The following RSRC1 variants were observed in gnomAD, a reference collection of about 807,000 sequenced individuals.
The protein encoded by RSRC1 is arginine and serine rich coiled-coil 1.
In RSRC1, 39 loss-of-function variants were observed where a neutral mutation model predicts 49.1. The ratio of observed to expected loss-of-function variants is 0.79; its 90% CI spans 0.61 to 1.04. RSRC1 has a LOEUF of 1.04. Ranked by LOEUF, RSRC1 falls within the 50% of genes least tolerant of loss-of-function variation. The pLI, the probability that RSRC1 is intolerant of heterozygous loss-of-function variation, is 0.00. For missense variants in RSRC1, 388 were observed against 402.4 expected, an observed-to-expected ratio of 0.96 and a Z score of 0.31; for synonymous variants, 143 against 130.8, an observed-to-expected ratio of 1.09 and a Z score of -0.63.
chr3:158,212,032 T>G (rs1721705082), intron 4 of RSRC1, among the ~76,000 whole-genome samples: 1 of 151,908 alleles, frequency 6.6e-6, no homozygotes, highest in South Asian at 2.1e-4. Context: ...TATTCCTAAC[T>G]CCTCAAGAGT....
intron 4 of RSRC1, among the ~76,000 whole-genome samples, chr3:158,219,188 A>C (rs1213030662): frequency 6.6e-6 from 1 of 151,604 alleles, no homozygotes; most frequent in Non-Finnish European, 1.5e-5. Flanking sequence ...AACCATTTTT[A>C]TTCCTCTTTT....
intron 5 of RSRC1, among the ~76,000 whole-genome samples, chr3:158,337,619 A>G (rs1039034217): frequency 1.3e-5 from 2 of 152,114 alleles, no homozygotes; most frequent in Non-Finnish European, 2.9e-5. Context: ...TTCCCTTTCT[A>G]TATTCCTAAC....
chr3:158,243,064 A>G (rs777358541), intron 4 of RSRC1, among the ~76,000 whole-genome samples: 5 of 151,968 alleles, frequency 3.3e-5, no homozygotes, highest in African/African-American at 4.8e-5. Flanking sequence ...CAGATTCCCT[A>G]TGTCAATTTT....
intron 6 of RSRC1, among the ~76,000 whole-genome samples, chr3:158,418,315 C>A (rs1029632486): frequency 6.6e-5 from 10 of 151,954 alleles, no homozygotes; most frequent in African/African-American, 2.4e-4. Context: ...AAAGAGATAG[C>A]ACTCTCATGG....
intron 6 of RSRC1, among the ~76,000 whole-genome samples, chr3:158,378,172 T>C (rs1427901578): frequency 1.3e-5 from 2 of 152,320 alleles, no homozygotes; most frequent in African/African-American, 4.8e-5. Flanking sequence ...GTTTTTTATA[T>C]TTTATTTTTC....
intron 7 of RSRC1, among the ~76,000 whole-genome samples, chr3:158,477,864 GAAGT>G (rs1560059624): frequency 7.1e-6 from 1 of 140,898 alleles, no homozygotes; most frequent in Non-Finnish European, 1.5e-5. Context: ...GAGCAAAGTC[GAAGT>G]AAGAATATGA....
At chr3:158,483,602 T>C (rs1213153982) in intron 7 of RSRC1, among the ~76,000 whole-genome samples, 1 of 152,086 alleles carries the variant, frequency 6.6e-6, no homozygotes. Flanking sequence ...TTTCACAATT[T>C]AAAGGGGTTA....
At chr3:158,475,443 A>G (rs1489004198) in intron 7 of RSRC1, among the ~76,000 whole-genome samples, 2 of 152,282 alleles carry the variant, frequency 1.3e-5, no homozygotes, top group East Asian at 3.9e-4. Context: ...ATGTTTTTTT[A>G]CAGATTGAAG....
intron 4 of RSRC1, among the ~76,000 whole-genome samples, chr3:158,235,330 T>A (rs949334359): frequency 2.0e-5 from 3 of 152,062 alleles, no homozygotes; most frequent in African/African-American, 7.2e-5. Context: ...TATTTAGAGA[T>A]CAGAATATGA....
chr3:158,336,116 A>C (rs1357798422), intron 5 of RSRC1, among the ~76,000 whole-genome samples: 1 of 152,114 alleles, frequency 6.6e-6, no homozygotes, highest in African/African-American at 2.4e-5. Context: ...CATTTTGCCT[A>C]CTCACTTGTC....
chr3:158,447,034 T>C lies in RSRC1; in HGVS notation c.584-13901T>C, dbSNP rs76477786. On this transcript the variant is annotated intron_variant, in intron 6 of 9. Coordinates refer to ENST00000611884, the MANE Select transcript of RSRC1 (RefSeq NM_001271838.2). ...CTTTAACTAGTAGGGGTATCCCAAC[T>C]AGTAGGGCCATGATACAACTCTTCA... Among the ~76,000 whole-genome samples, 1,201 of 152,164 alleles carry C rather than the reference T, an allele frequency of 7.9e-3. 70 individuals are homozygous for C. The East Asian group carries it at 0.12, about 15-fold the overall frequency.
chr3:158,429,949 C>G (rs1218976873), intron 6 of RSRC1, among the ~76,000 whole-genome samples: 1 of 151,572 alleles, frequency 6.6e-6, no homozygotes, highest in Non-Finnish European at 1.5e-5. Flanking sequence ...TGAATAAACT[C>G]TAGAGATCTG....
chr3:158,119,194 C>G (rs1715078873), intron 1 of RSRC1, among the ~76,000 whole-genome samples: 1 of 152,046 alleles, frequency 6.6e-6, no homozygotes, highest in Admixed American at 6.6e-5. Flanking sequence ...GCCTCATGGC[C>G]TCATTGTGCC....
At chr3:158,532,924 T>C (rs1162512287) in intron 7 of RSRC1, among the ~76,000 whole-genome samples, 1 of 151,774 alleles carries the variant, frequency 6.6e-6, no homozygotes, top group South Asian at 2.1e-4. Flanking sequence ...GCAGCACATA[T>C]AAACCATAAC....
intron 4 of RSRC1, among the ~76,000 whole-genome samples, chr3:158,221,001 G>C (rs766160908): frequency 2.0e-5 from 3 of 151,486 alleles, no homozygotes; most frequent in Non-Finnish European, 4.4e-5. Context: ...ATATTTCACA[G>C]GTAGGCAACC....
chr3:158,299,832 T>C (rs1289575960), intron 5 of RSRC1, among the ~76,000 whole-genome samples: 1 of 152,176 alleles, frequency 6.6e-6, no homozygotes, highest in Non-Finnish European at 1.5e-5. Context: ...TATCCAGCAG[T>C]GGTTTTCTAG....
chr3:158,446,098 T>C (rs1196928844), intron 6 of RSRC1, among the ~76,000 whole-genome samples: 1 of 152,084 alleles, frequency 6.6e-6, no homozygotes, highest in Non-Finnish European at 1.5e-5. Context: ...GATGATAAAA[T>C]ATTGATAATG....
intron 4 of RSRC1, among the ~76,000 whole-genome samples, chr3:158,287,984 T>C (rs1270649044): frequency 6.6e-6 from 1 of 152,230 alleles, no homozygotes; most frequent in Non-Finnish European, 1.5e-5. Context: ...GATATACTGT[T>C]TGGCCGGGGC....
At chr3:158,319,759 C>G (rs1578331004) in intron 5 of RSRC1, among the ~76,000 whole-genome samples, 1 of 152,214 alleles carries the variant, frequency 6.6e-6, no homozygotes, top group East Asian at 1.9e-4. Context: ...AGGTACACTA[C>G]TAGAATGCAT....
Sources: gnomAD v4.1 joint callset for allele counts (sites outside exome capture counted in the v4.1 genomes callset) on GRCh38, gnomAD v4.1.1 for gene constraint, MANE v1.5 for transcripts, NCBI Gene and HGNC (gene_info 2026-07-23, HGNC 2026-07-21) for gene names.